Variants in RBFOX1 observed in about 807,000 individuals in gnomAD.
RBFOX1 encodes the protein RNA binding fox-1 homolog 1.
Under a neutral mutation model 57.7 loss-of-function variants are expected in RBFOX1, and 8 were observed. That is an observed-to-expected ratio of 0.14 (90% CI 0.08 to 0.25). The LOEUF is 0.25. RBFOX1 is among the 10% of genes least tolerant of loss of function. RBFOX1 has a pLI of 1.00. For missense variants in RBFOX1, 611 were observed against 548.5 expected, an observed-to-expected ratio of 1.11 and a Z score of -1.14; for synonymous variants, 326 against 222.4, an observed-to-expected ratio of 1.47 and a Z score of -4.15.
intron 3 of RBFOX1, among the ~76,000 whole-genome samples, chr16:6,858,770 G>A (rs1372214398): frequency 6.6e-6 from 1 of 152,012 alleles, no homozygotes; most frequent in East Asian, 1.9e-4. Context: ...ATTCTTAGTT[G>A]AAAGTTTTAG....
At chr16:5,429,017 A>T (rs1427223040) in intron 1 of RBFOX1, among the ~76,000 whole-genome samples, 1 of 152,126 alleles carries the variant, frequency 6.6e-6, no homozygotes. Context: ...TGGAAGTACC[A>T]GGGAGGTTCC....
chr16:5,268,186 C>G (rs1288615006), intron 1 of RBFOX1, among the ~76,000 whole-genome samples: 1 of 152,096 alleles, frequency 6.6e-6, no homozygotes, highest in African/African-American at 2.4e-5. Flanking sequence ...TCGGCTTCAT[C>G]CTGCAGCCTC....
intron 4 of RBFOX1, among the ~76,000 whole-genome samples, chr16:7,359,027 C>T (rs1185563256): frequency 6.6e-6 from 1 of 152,178 alleles, no homozygotes; most frequent in East Asian, 1.9e-4. Flanking sequence ...TTCTTTGCTG[C>T]CTCCACCTTC....
chr16:7,238,544 C>A (rs914296619), intron 4 of RBFOX1, among the ~76,000 whole-genome samples: 1 of 152,138 alleles, frequency 6.6e-6, no homozygotes, highest in Admixed American at 6.5e-5. Context: ...ACACACGCAC[C>A]TTTAGGAAAG....
At chr16:6,077,424 G>GAGA (rs1414211131) in intron 1 of RBFOX1, among the ~76,000 whole-genome samples, 1 of 152,160 alleles carries the variant, frequency 6.6e-6, no homozygotes, top group Admixed American at 6.5e-5. Flanking sequence ...TTTCAAATTA[G>GAGA]AGAAGTGATA....
chr16:5,436,721 C>T (rs1422361638), intron 1 of RBFOX1, among the ~76,000 whole-genome samples: 1 of 137,910 alleles, frequency 7.3e-6, no homozygotes, highest in Non-Finnish European at 1.7e-5. Flanking sequence ...GCCTGTAATC[C>T]CACCTGTTTG....
intron 3 of RBFOX1, among the ~76,000 whole-genome samples, chr16:6,654,934 C>T (rs529871351): frequency 1.3e-5 from 2 of 152,176 alleles, no homozygotes; most frequent in South Asian, 4.1e-4. Flanking sequence ...AATACTTTAA[C>T]ACTTGTCACA....
At chr16:6,536,795 A>C (rs779903298) in intron 2 of RBFOX1, among the ~76,000 whole-genome samples, 8 of 152,166 alleles carry the variant, frequency 5.3e-5, no homozygotes, top group Non-Finnish European at 8.8e-5. Flanking sequence ...AGTAACATTG[A>C]TCTGTCATGG....
intron 4 of RBFOX1, among the ~76,000 whole-genome samples, chr16:7,225,555 C>A (rs55872822): frequency 3.3e-5 from 5 of 151,632 alleles, no homozygotes; most frequent in Non-Finnish European, 5.9e-5. Flanking sequence ...TTTATTGCAT[C>A]ATGAAAGTAG....
Position 6,216,297 on chromosome 16 carries a change from C to T in RBFOX1, c.-126-100698C>T, listed in dbSNP as rs78235197. ...GAACGTAAAATAAAAGTATAAAAAC[C>T]CCATACAGATTTTAACCATCTACTA... On this transcript the variant is annotated intron_variant, in intron 1 of 15. Coordinates refer to ENST00000550418, the MANE Select transcript of RBFOX1 (RefSeq NM_018723.4). Among the ~76,000 whole-genome samples the T allele has an allele frequency of 5.9e-5, 9 of 152,074 alleles. No homozygotes were observed. The South Asian group carries it at 1.7e-3, about 28-fold the overall frequency.
At chr16:6,113,799 C>A (rs2880647) in intron 1 of RBFOX1, among the ~76,000 whole-genome samples, 104,474 of 152,120 alleles carry the variant, frequency 0.69, 37,276 homozygotes, top group African/African-American at 0.88. Context: ...GATTTGAAGG[C>A]GTCAGACAGG....
chr16:7,296,117 C>G (rs983077115), intron 4 of RBFOX1, among the ~76,000 whole-genome samples: 8 of 143,414 alleles, frequency 5.6e-5, no homozygotes. Context: ...AAATGCCGAT[C>G]CACAGACTCA....
At chr16:6,106,842 T>G (rs182362867) in intron 1 of RBFOX1, among the ~76,000 whole-genome samples, 19 of 152,150 alleles carry the variant, frequency 1.2e-4, no homozygotes, top group African/African-American at 4.1e-4. Flanking sequence ...TAATTTTTTT[T>G]TCGGATTTCT....
In RBFOX1 at chr16:7,034,447, C is replaced by A. The variant is rs115161886; in HGVS notation, c.-15-17610C>A. Among the ~76,000 whole-genome samples the A allele has an allele frequency of 6.8e-3, 1,029 of 152,174 alleles. 13 individuals are homozygous for A. Among genetic ancestry groups the A allele is most frequent in the African/African-American group, 0.023 (975 of 41,498 alleles). ...AGAGAGTCGCTGCCCTCTGCTTCTT[C>A]CCCCTTCTTCCTTGCTGGGCTCCAG... On this transcript the variant is annotated intron_variant, in intron 3 of 15. Coordinates refer to ENST00000550418, the MANE Select transcript of RBFOX1 (RefSeq NM_018723.4).
At chr16:6,861,059 A>G (rs2058902205) in intron 3 of RBFOX1, among the ~76,000 whole-genome samples, 2 of 152,094 alleles carry the variant, frequency 1.3e-5, no homozygotes, top group Admixed American at 6.6e-5. Context: ...AATCTGCGAG[A>G]GTGACTGACA....
chr16:7,004,600 G>T (rs1300362954), intron 3 of RBFOX1, among the ~76,000 whole-genome samples: 1 of 152,128 alleles, frequency 6.6e-6, no homozygotes, highest in East Asian at 1.9e-4. Context: ...TCTATTTAAT[G>T]GCTTTAATTT....
At chr16:5,283,207 GAA>G (rs2063313549) in intron 1 of RBFOX1, among the ~76,000 whole-genome samples, 1 of 152,230 alleles carries the variant, frequency 6.6e-6, no homozygotes, top group Non-Finnish European at 1.5e-5. Flanking sequence ...AAGATGTATG[GAA>G]ATGCCTAGAT....
At chr16:7,186,591 C>CATATTTATATAAATATA (rs2083893690) in intron 4 of RBFOX1, among the ~76,000 whole-genome samples, 2 of 136,498 alleles carry the variant, frequency 1.5e-5, no homozygotes, top group African/African-American at 2.9e-5. Flanking sequence ...TAAGCTTAAA[C>CATATTTATATAAATATA]ATATTTATAT....
chr16:6,832,333 G>C (rs546241733), intron 3 of RBFOX1, among the ~76,000 whole-genome samples: 1 of 152,236 alleles, frequency 6.6e-6, no homozygotes, highest in Admixed American at 6.5e-5. Context: ...CTCATTATGT[G>C]GTTACAGAGT....
Sources: gnomAD v4.1 joint callset for allele counts (sites outside exome capture counted in the v4.1 genomes callset) on GRCh38, gnomAD v4.1.1 for gene constraint, MANE v1.5 for transcripts, NCBI Gene and HGNC (gene_info 2026-07-23, HGNC 2026-07-21) for gene names.